The following CDC42BPB variants were observed in gnomAD, a reference collection of about 807,000 sequenced individuals.
The protein encoded by CDC42BPB is CDC42 binding protein kinase beta.
A neutral mutation model predicts 214.9 loss-of-function variants in CDC42BPB; 37 were observed. That is an observed-to-expected ratio of 0.17 (90% CI 0.13 to 0.23). The LOEUF (loss-of-function observed/expected upper bound fraction) is 0.23. Ranked by LOEUF, CDC42BPB falls within the 10% of genes least tolerant of loss-of-function variation. The pLI is 1.00. For missense variants in CDC42BPB, 1,694 were observed against 2,227.0 expected (o/e 0.76, Z 4.82); for synonymous variants, 931 against 884.0 (o/e 1.05, Z -0.94).
At chr14:103,049,700 T>C (rs1260504856) in intron 1 of CDC42BPB, among the ~76,000 whole-genome samples, 4 of 152,188 alleles carry the variant, frequency 2.6e-5, no homozygotes, top group Non-Finnish European at 4.4e-5. Context: ...TGGTGGGAAG[T>C]GCTGTTAACC....
At chr14:102,973,981 C>G in intron 12 of CDC42BPB, 35 bp downstream of exon 12, 7 of 1,580,430 alleles carry the variant, frequency 4.4e-6, no homozygotes, top group Non-Finnish European at 6.0e-6. Flanking sequence ...TGCAAAGTCC[C>G]GTAAGCCTTT....
Position 102,944,223 on chromosome 14 carries a change from C to T in CDC42BPB, c.4076G>A (p.Arg1359Lys), listed in dbSNP as rs754160186. ...GAACTTTCTGTGGAATGGCTTCGTT[C>T]TCTGGATCTCATAGCAAAGGATCAG... is the stretch of plus-strand genomic sequence containing the variant. Reference protein sequence around the residue: ...KRLILCYEIQRTKPFHRKFNE... With the variant: ...KRLILCYEIQKTKPFHRKFNE... The change falls in exon 30 of 37, where the codon AGA becomes AAA. Residue 1359 changes from arginine to lysine, a missense_variant. Arg to Lys is a conservative substitution (Grantham distance 26). Coordinates refer to ENST00000361246, the MANE Select transcript of CDC42BPB (RefSeq NM_006035.4). The surrounding 1 kb of genome is among the most constrained non-coding windows in gnomAD (Gnocchi z 6.6). The T allele has an allele frequency of 6.2e-7, 1 of 1,613,314 alleles. No homozygotes were observed. The highest frequency in any genetic ancestry group is 1.7e-5 in the Admixed American group (1 of 60,024).
chr14:102,993,988 G>A (rs1350124354), intron 5 of CDC42BPB, among the ~76,000 whole-genome samples: 2 of 152,164 alleles, frequency 1.3e-5, no homozygotes, highest in Non-Finnish European at 2.9e-5. Flanking sequence ...GATTATATAG[G>A]AAAATGTTTA....
intron 16 of CDC42BPB, 151 bp from the exon 17 acceptor site, chr14:102,967,321 T>C: frequency 7.1e-7 from 1 of 1,413,584 alleles, no homozygotes; most frequent in Non-Finnish European, 9.2e-7. Context: ...TGGATTTTTT[T>C]CACTGTATCT....
rs577833239 is a variant in CDC42BPB, at chr14:102,947,924, G to A, written c.3450-122C>T. 2.6e-4 allele frequency: 399 copies of A among 1,540,886 alleles called. 2 individuals carry two copies. Among genetic ancestry groups the A allele is most frequent in the South Asian group, 2.5e-3 (212 of 83,642 alleles). On this transcript the variant is annotated intron_variant, in intron 26 of 36. Coordinates refer to ENST00000361246, the MANE Select transcript of CDC42BPB (RefSeq NM_006035.4). ...ACCACCGTGTTCTGCAGTGGAGGGCGGGTCCCTCGCCTCCCCAGATGTAAG... is the reference window on the plus strand; with the variant it reads ...ACCACCGTGTTCTGCAGTGGAGGGCAGGTCCCTCGCCTCCCCAGATGTAAG...
chr14:102,975,081 A>G (rs1283767414), intron 11 of CDC42BPB, among the ~76,000 whole-genome samples: 1 of 152,256 alleles, frequency 6.6e-6, no homozygotes, highest in African/African-American at 2.4e-5. Context: ...GTCACTGATT[A>G]AGCTTTAGGA....
chr14:102,967,733 C>T (rs1368203539), intron 16 of CDC42BPB, among the ~76,000 whole-genome samples: 3 of 152,186 alleles, frequency 2.0e-5, no homozygotes, highest in South Asian at 2.1e-4. Context: ...TCGTACGGGA[C>T]GCCTGTTGTA....
At chr14:103,021,270 C>T (rs1249431183) in intron 1 of CDC42BPB, among the ~76,000 whole-genome samples, 1 of 152,118 alleles carries the variant, frequency 6.6e-6, no homozygotes, top group Non-Finnish European at 1.5e-5. Context: ...ACCATCCTGG[C>T]TAACACAGTG....
chr14:103,057,283 G>GCCT lies in CDC42BPB; in HGVS notation c.-113_-111dup. 9.0e-7 allele frequency: 1 copy of GCCT among 1,115,774 alleles called. No individual in the cohort carries two copies. Among genetic ancestry groups the GCCT allele is most frequent in the Non-Finnish European group, 1.1e-6 (1 of 914,816 alleles). The allele number at this position is 1,115,774 out of a possible 1,614,324, so 69.1% of individuals were successfully genotyped here. A position where few individuals can be genotyped will look rare whatever the true frequency, so the allele number is the denominator to read the frequency against. Reference sequence around the variant, plus strand: ...GGCTGCGAGCCCCGGCAGCAGCGGCGCCTCCTCGCCGCCCCGTCCGCGTCG... The same window carrying GCCT: ...GGCTGCGAGCCCCGGCAGCAGCGGCGCCTCCTCCTCGCCGCCCCGTCCGCGTCG... On this transcript the variant is annotated 5_prime_UTR_variant, in exon 1 of 37. Transcript: ENST00000361246.
chr14:102,974,211 G>A (rs2139485348), intron 11 of CDC42BPB, 62 bp from the exon 12 acceptor site: 1 of 1,566,282 alleles, frequency 6.4e-7, no homozygotes, highest in East Asian at 2.3e-5. Flanking sequence ...TAAACTTTAT[G>A]TTAGCTGACT....
chr14:102,997,155 C>A (rs1253764171), intron 5 of CDC42BPB, among the ~76,000 whole-genome samples: 6 of 152,090 alleles, frequency 3.9e-5, no homozygotes, highest in Non-Finnish European at 7.3e-5. Context: ...GGAGGGGGCC[C>A]GAGCACAGGC....
intron 1 of CDC42BPB, among the ~76,000 whole-genome samples, chr14:103,013,531 C>T (rs1265997862): frequency 2.0e-5 from 3 of 152,212 alleles, no homozygotes; most frequent in Non-Finnish European, 4.4e-5. Flanking sequence ...CATTTGGAAA[C>T]GGTCCTTACA....
At chr14:102,987,831 G>T (rs968577251) in intron 5 of CDC42BPB, among the ~76,000 whole-genome samples, 1 of 126,346 alleles carries the variant, frequency 7.9e-6, no homozygotes, top group Non-Finnish European at 1.7e-5. Flanking sequence ...ACACGGCCAG[G>T]TGCAGTGGCT....
chr14:103,046,488 G>A (rs1286676574), intron 1 of CDC42BPB, among the ~76,000 whole-genome samples: 2 of 152,102 alleles, frequency 1.3e-5, no homozygotes, highest in Non-Finnish European at 2.9e-5. Flanking sequence ...GTAGAAAACA[G>A]GTGAAAAAGA....
intron 1 of CDC42BPB, among the ~76,000 whole-genome samples, chr14:103,051,932 G>A (rs902099716): frequency 1.3e-5 from 2 of 151,936 alleles, no homozygotes; most frequent in Non-Finnish European, 2.9e-5. Context: ...CGCAACCTCT[G>A]CCTCCTGGGT....
chr14:102,956,621 G>A (rs1892715907), intron 21 of CDC42BPB, among the ~76,000 whole-genome samples: 1 of 152,108 alleles, frequency 6.6e-6, no homozygotes, highest in African/African-American at 2.4e-5. Flanking sequence ...CCTGAGGTTA[G>A]GAGTTTGAGA....
intron 26 of CDC42BPB, among the ~76,000 whole-genome samples, chr14:102,948,710 T>G (rs926220473): frequency 0.01 from 195 of 18,874 alleles, no homozygotes; most frequent in Non-Finnish European, 0.011. Context: ...GAGCAGGGGG[T>G]GGGTGTGGAG....
intron 1 of CDC42BPB, among the ~76,000 whole-genome samples, chr14:103,052,502 G>A (rs1035791621): frequency 7.9e-5 from 12 of 152,048 alleles, no homozygotes; most frequent in Non-Finnish European, 1.6e-4. Flanking sequence ...TAAATTCGGT[G>A]GCATCATCCC....
intron 18 of CDC42BPB, among the ~76,000 whole-genome samples, chr14:102,965,647 A>G (rs1893168204): frequency 6.6e-6 from 1 of 152,214 alleles, no homozygotes; most frequent in Non-Finnish European, 1.5e-5. Context: ...CATCTATAAC[A>G]GTAAAGAGAA....
Sources: gnomAD v4.1 joint callset for allele counts (sites outside exome capture counted in the v4.1 genomes callset) on GRCh38, gnomAD v4.1.1 for gene constraint, Gnocchi (gnomAD v3.1) non-coding constraint, MANE v1.5 for transcripts, NCBI Gene and HGNC (gene_info 2026-07-23, HGNC 2026-07-21) for gene names.